Variants in NTAQ1 observed in about 807,000 individuals in gnomAD.
The protein encoded by NTAQ1 is protein N-terminal glutamine amidohydrolase.
NTAQ1 carries 21 observed loss-of-function variants against 28.2 expected under a neutral mutation model. The ratio of observed to expected loss-of-function variants is 0.74; its 90% CI spans 0.53 to 1.07. The LOEUF (loss-of-function observed/expected upper bound fraction) is 1.07, where lower values mean the gene tolerates loss of function less well. NTAQ1 is among the 50% of genes least tolerant of loss of function. NTAQ1 has a pLI of 0.00. For synonymous variants in NTAQ1, 105 were observed against 90.0 expected (o/e 1.17, Z -0.94); for missense variants, 264 against 256.6 (o/e 1.03, Z -0.20).
rs1461413610 is a variant in NTAQ1, at chr8:123,419,105, T to G, written c.83+2173T>G. ...GGTTTTTTTTTTTTTTTTTTTTTTT[T>G]TTTTTTTTTTTGAGACAGAGTCTCA... On this transcript the variant is annotated intron_variant, in intron 1 of 5. Transcript: ENST00000287387. Among the ~76,000 whole-genome samples the G allele has an allele frequency of 1.3e-4, 5 of 37,070 alleles. 1 individual carries two copies. The highest frequency in any genetic ancestry group is 2.4e-3 in the South Asian group (2 of 850). The allele number at this position is 37,070 out of a possible 152,430, so 24.3% of individuals were successfully genotyped here.
chr8:123,437,711 A>AAAAAAC (rs1814809199), intron 5 of NTAQ1, among the ~76,000 whole-genome samples: 1 of 82,034 alleles, frequency 1.2e-5, no homozygotes, highest in South Asian at 5.0e-4. Context: ...TCAAAAAAAA[A>AAAAAAC]AAAAAACAAA....
downstream of NTAQ1, among the ~76,000 whole-genome samples, chr8:123,449,874 T>TCTCTCTCTCTCTCTCTCTCTATCTCTCC (rs1815420631): frequency 7.1e-6 from 1 of 140,416 alleles, no homozygotes; most frequent in Non-Finnish European, 1.5e-5. Flanking sequence ...TCTCTCTCTC[T>TCTCTCTCTCTCTCTCTCTCTATCTCTCC]CTCTCTCTCT....
At chr8:123,419,671 C>T (rs541050179) in intron 1 of NTAQ1, among the ~76,000 whole-genome samples, 1 of 151,946 alleles carries the variant, frequency 6.6e-6, no homozygotes, top group Non-Finnish European at 1.5e-5. Context: ...CTGGGAACCC[C>T]TGGAGTGTCC....
chr8:123,466,498 A>G (rs1815964019), intron 6 of NTAQ1, among the ~76,000 whole-genome samples: 1 of 152,246 alleles, frequency 6.6e-6, no homozygotes, highest in Non-Finnish European at 1.5e-5. Context: ...GATGAATAGA[A>G]TGAACTGACT....
chr8:123,448,554 G>T (rs12547262), downstream of NTAQ1, among the ~76,000 whole-genome samples: 2 of 152,092 alleles, frequency 1.3e-5, no homozygotes, highest in Non-Finnish European at 1.5e-5. Flanking sequence ...GGGAGGTGGA[G>T]GTTGCAGTGA....
At chr8:123,449,410 G>A (rs917084010), downstream of NTAQ1, among the ~76,000 whole-genome samples, 1 of 152,130 alleles carries the variant, frequency 6.6e-6, no homozygotes, top group Non-Finnish European at 1.5e-5. Flanking sequence ...CTTCATGGAG[G>A]ATGCTTATTT....
At chr8:123,453,468 A>G (rs1379051764) in intron 6 of NTAQ1, among the ~76,000 whole-genome samples, 2 of 149,060 alleles carry the variant, frequency 1.3e-5, no homozygotes, top group African/African-American at 5.0e-5. Context: ...TGCTCTTGTC[A>G]CCTAGGCTGG....
intron 6 of NTAQ1, among the ~76,000 whole-genome samples, chr8:123,462,203 G>A (rs539527602): frequency 6.6e-6 from 1 of 151,876 alleles, no homozygotes; most frequent in South Asian, 2.1e-4. Context: ...ATGCCACCAC[G>A]CCTGGCTAAT....
At chr8:123,461,271 C>T (rs1815816199) in intron 6 of NTAQ1, among the ~76,000 whole-genome samples, 1 of 152,108 alleles carries the variant, frequency 6.6e-6, no homozygotes, top group African/African-American at 2.4e-5. Context: ...CCCCAGCTGC[C>T]CACAACAGCC....
chr8:123,424,494 G>A (rs764613474), intron 1 of NTAQ1, among the ~76,000 whole-genome samples: 2 of 151,840 alleles, frequency 1.3e-5, no homozygotes, highest in East Asian at 3.9e-4. Context: ...CACCCGCTTC[G>A]GCCTCCCAGA....
At chr8:123,459,678 C>T (rs1815760891) in intron 6 of NTAQ1, among the ~76,000 whole-genome samples, 2 of 152,144 alleles carry the variant, frequency 1.3e-5, no homozygotes, top group Admixed American at 1.3e-4. Context: ...TCTCAGGTAC[C>T]TGGGGCAGAG....
chr8:123,457,582 A>G (rs867359919), intron 6 of NTAQ1, among the ~76,000 whole-genome samples: 19 of 152,212 alleles, frequency 1.2e-4, no homozygotes, highest in African/African-American at 4.6e-4. Context: ...TTTGTACAGA[A>G]TATCTATAGG....
chr8:123,464,378 A>T (rs962783807), intron 6 of NTAQ1, among the ~76,000 whole-genome samples: 1 of 152,172 alleles, frequency 6.6e-6, no homozygotes, highest in Non-Finnish European at 1.5e-5. Context: ...GGACCACAGC[A>T]TCCATAACAG....
At chr8:123,459,529 G>A (rs966023203) in intron 6 of NTAQ1, among the ~76,000 whole-genome samples, 3 of 152,286 alleles carry the variant, frequency 2.0e-5, no homozygotes, top group South Asian at 4.1e-4. Context: ...AGTCTTTCCA[G>A]TGAGCAGCCC....
intron 5 of NTAQ1, among the ~76,000 whole-genome samples, chr8:123,438,763 G>C (rs890664007): frequency 2.6e-5 from 4 of 152,074 alleles, no homozygotes; most frequent in Non-Finnish European, 5.9e-5. Context: ...CACTAAGAGA[G>C]GGTTCAAACT....
At chr8:123,425,039 G>A (rs976275988) in intron 1 of NTAQ1, among the ~76,000 whole-genome samples, 1 of 152,106 alleles carries the variant, frequency 6.6e-6, no homozygotes, top group Non-Finnish European at 1.5e-5. Context: ...TTAGATTAAG[G>A]AAATTTTATT....
chr8:123,427,785 T>A, intron 1 of NTAQ1, 139 bp from the exon 2 acceptor site: 1 of 664,880 alleles, frequency 1.5e-6, no homozygotes, highest in Non-Finnish European at 2.6e-6. Flanking sequence ...TAGAGGAGAT[T>A]CAGACATTAG....
intron 6 of NTAQ1, among the ~76,000 whole-genome samples, chr8:123,462,811 T>A (rs187951800): frequency 6.6e-6 from 1 of 152,180 alleles, no homozygotes; most frequent in African/African-American, 2.4e-5. Context: ...TTCACCAGAA[T>A]TGAAACTCAA....
chr8:123,436,032 C>T (rs1423264245), intron 3 of NTAQ1, among the ~76,000 whole-genome samples: 7 of 148,040 alleles, frequency 4.7e-5, no homozygotes, highest in Non-Finnish European at 9.0e-5. Context: ...AGCTGGGCAT[C>T]GTGGTGCGCG....
Sources: gnomAD v4.1 joint callset for allele counts (sites outside exome capture counted in the v4.1 genomes callset) on GRCh38, gnomAD v4.1.1 for gene constraint, MANE v1.5 for transcripts, NCBI Gene and HGNC (gene_info 2026-07-23, HGNC 2026-07-21) for gene names.